The following SYPL2 variants were observed in gnomAD, a reference collection of about 807,000 sequenced individuals.
SYPL2 encodes the protein synaptophysin like 2, also known as synaptophysin-like protein 2.
A neutral mutation model predicts 31.3 loss-of-function variants in SYPL2; 24 were observed. That is an observed-to-expected ratio of 0.77 (90% CI 0.56 to 1.08). The LOEUF (loss-of-function observed/expected upper bound fraction) is 1.08, where lower values mean the gene tolerates loss of function less well. Ranked by LOEUF, SYPL2 falls within the 50% of genes least tolerant of loss-of-function variation. The probability of loss-of-function intolerance (pLI) is 0.00; values close to 1 mark genes in which losing one functional copy is unlikely to be tolerated. For missense variants in SYPL2, 342 were observed against 360.1 expected, an observed-to-expected ratio of 0.95 and a Z score of 0.41; for synonymous variants, 144 against 143.1, an observed-to-expected ratio of 1.01 and a Z score of -0.05.
In SYPL2 at chr1:109,466,632, C is replaced by T. The variant is rs922791998; in HGVS notation, c.-212C>T. The T allele has an allele frequency of 4.5e-5, 19 of 424,108 alleles. No homozygotes were observed. The highest frequency in any genetic ancestry group is 3.7e-4 in the African/African-American group (18 of 48,142). The allele number at this position is 424,108 out of a possible 1,614,324, so 26.3% of individuals were successfully genotyped here. The stretch of plus-strand genomic sequence containing the variant: ...TGCTGCCGGCGGGGCACCGCGGCGG[C>T]CGCAGCCTCTGAGAGCACGAACAGC... On this transcript the variant is annotated 5_prime_UTR_variant, in exon 1 of 6. Coordinates refer to ENST00000369872, the MANE Select transcript of SYPL2 (RefSeq NM_001040709.2).
At position 109,480,119 on chromosome 1, in the gene SYPL2, A is replaced by T. The variant is rs1656119805; in HGVS notation, c.*571A>T. ...TCTCTGGCCTCTGCCTGCCCACAGA[A>T]TCCACCATGTGTGAACCAGAGAGGT... On this transcript the variant is annotated 3_prime_UTR_variant, in exon 6 of 6. Coordinates refer to ENST00000369872, the MANE Select transcript of SYPL2 (RefSeq NM_001040709.2). 6.6e-6 allele frequency: 1 copy of T among 152,652 alleles called. No individual in the cohort carries two copies. The highest frequency in any genetic ancestry group is 2.1e-4 in the South Asian group (1 of 4,846). 9.5% of individuals were successfully genotyped at this position (152,652 alleles called of 1,614,324 possible).
chr1:109,467,156 G>A, intron 2 of SYPL2, 23 bp downstream of exon 2: 1 of 1,533,586 alleles, frequency 6.5e-7, no homozygotes, highest in Non-Finnish European at 8.8e-7. Flanking sequence ...CCCGGCCCCG[G>A]GCTATTTCGG....
intron 2 of SYPL2, 88 bp downstream of exon 2, chr1:109,467,221 A>G (rs1571056488): frequency 3.6e-6 from 2 of 548,972 alleles, no homozygotes; most frequent in South Asian, 5.8e-5. Flanking sequence ...GGGGCTGGGG[A>G]GGTGCTGCGG....
At chr1:109,471,635 G>T (rs1655836956) in intron 2 of SYPL2, among the ~76,000 whole-genome samples, 2 of 151,772 alleles carry the variant, frequency 1.3e-5, no homozygotes, top group East Asian at 3.9e-4. Flanking sequence ...GGCTGGTCTC[G>T]AACCCCTGAC....
At chr1:109,475,891 C>T (rs767984678) in intron 3 of SYPL2, among the ~76,000 whole-genome samples, 186 bp downstream of exon 3, 1 of 152,146 alleles carries the variant, frequency 6.6e-6, no homozygotes, top group South Asian at 2.1e-4. Flanking sequence ...CAGAGCAAAA[C>T]GTAAGGGAAA....
At chr1:109,477,531 C>G (rs965783975) in intron 4 of SYPL2, among the ~76,000 whole-genome samples, 3 of 152,064 alleles carry the variant, frequency 2.0e-5, no homozygotes, top group African/African-American at 7.2e-5. Flanking sequence ...AATTTAGGCT[C>G]CACTTGGGAT....
intron 2 of SYPL2, among the ~76,000 whole-genome samples, chr1:109,472,551 A>G (rs1431637903): frequency 6.6e-6 from 1 of 151,306 alleles, no homozygotes; most frequent in African/African-American, 2.4e-5. Flanking sequence ...AGAAGGCTCC[A>G]TAACTGACCG....
In SYPL2 at chr1:109,479,357, AT is replaced by A; in HGVS notation, c.649-19del. 1.9e-6 allele frequency: 3 copies of A among 1,611,242 alleles called. No homozygotes were observed. The highest frequency in any genetic ancestry group is 2.5e-6 in the Non-Finnish European group (3 of 1,177,768). ...AATGACCCCCTGACTATTCTCACAA[AT>A]TCCCCTGATGTCTTTGCAGCTCTTT... On this transcript the variant is annotated intron_variant, in intron 5 of 5. Coordinates refer to ENST00000369872, the MANE Select transcript of SYPL2 (RefSeq NM_001040709.2).
intron 2 of SYPL2, among the ~76,000 whole-genome samples, chr1:109,469,608 T>G (rs1245021211): frequency 1.3e-5 from 2 of 151,030 alleles, no homozygotes; most frequent in Non-Finnish European, 1.5e-5. Context: ...TTTGGGAGGC[T>G]GAGGTGGGAG....
rs1656058088 is a variant in SYPL2 at position 109,478,123 on chromosome 1, C to T, written c.648+114C>T. On this transcript the variant is annotated intron_variant, in intron 5 of 5. Transcript: ENST00000369872. The surrounding 1 kb of genome is among the most constrained non-coding windows in gnomAD (Gnocchi z 4.0). Reference sequence around the variant, plus strand: ...GTCCCAGAGCTGGTGTCCCCTGCACCTGGAGCTGGTGCCCTCACTGCGCTT... The same window carrying T: ...GTCCCAGAGCTGGTGTCCCCTGCACTTGGAGCTGGTGCCCTCACTGCGCTT... 6.8e-7 allele frequency: 1 copy of T among 1,480,984 alleles called. No homozygotes were observed. 91.7% of individuals were successfully genotyped at this position (1,480,984 alleles called of 1,614,324 possible). A position where few individuals can be genotyped will look rare whatever the true frequency, so the allele number is the denominator to read the frequency against.
chr1:109,472,117 G>T (rs1258378383), intron 2 of SYPL2, among the ~76,000 whole-genome samples: 1 of 151,936 alleles, frequency 6.6e-6, no homozygotes, highest in Non-Finnish European at 1.5e-5. Context: ...TGAGGACAGA[G>T]ATTTTGTTAT....
intron 2 of SYPL2, among the ~76,000 whole-genome samples, chr1:109,472,632 AT>A (rs1655869379): frequency 1.5e-5 from 1 of 67,358 alleles, no homozygotes; most frequent in Non-Finnish European, 2.7e-5. Flanking sequence ...TTTTTTTGAG[AT>A]GGGGGTCTTG....
At position 109,479,861 on chromosome 1, in the gene SYPL2, G is replaced by T; in HGVS notation, c.*313G>T. On this transcript the variant is annotated 3_prime_UTR_variant, in exon 6 of 6. Transcript: ENST00000369872. ...GAGAACCAGCCTCTGCTGCAGGTGA[G>T]GGTTGGGGGCAGGAAACCAGTGCTC... is the stretch of plus-strand genomic sequence containing the variant. 3.1e-6 allele frequency: 1 copy of T among 319,596 alleles called. No homozygotes were observed. Among genetic ancestry groups the T allele is most frequent in the Non-Finnish European group, 5.7e-6 (1 of 173,916 alleles). The allele number at this position is 319,596 out of a possible 1,614,324, so 19.8% of individuals were successfully genotyped here.
intron 2 of SYPL2, among the ~76,000 whole-genome samples, chr1:109,469,079 G>A (rs2152924): frequency 0.64 from 97,884 of 152,088 alleles, 33,008 homozygotes; most frequent in East Asian, 0.96. Flanking sequence ...AATTCAGGGC[G>A]CCAGTTTCAC....
intron 2 of SYPL2, among the ~76,000 whole-genome samples, chr1:109,469,299 A>G (rs1429433129): frequency 6.6e-6 from 1 of 152,194 alleles, no homozygotes; most frequent in African/African-American, 2.4e-5. Flanking sequence ...ACCAAAAAGC[A>G]AAGATTTTAC....
intron 2 of SYPL2, chr1:109,475,367 A>G (rs1655962777): frequency 1.7e-6 from 1 of 579,360 alleles, no homozygotes; most frequent in Non-Finnish European, 2.9e-6. Context: ...CACTCAGTCA[A>G]CCTTGTATTC....
chr1:109,477,844 C>G lies in SYPL2; in HGVS notation c.483C>G (p.Thr161=). ...LVDFCVTVSF[T]FFWLVAAAAW... is the part of the protein sequence containing the mutation. ...ACTTCTGTGTGACTGTCTCCTTCAC[C>G]TTCTTCTGGCTGGTAGCTGCAGCTG... Residue 161 remains threonine, a synonymous_variant, in exon 5 of 6, where the codon ACC becomes ACG. Coordinates refer to ENST00000369872, the MANE Select transcript of SYPL2 (RefSeq NM_001040709.2). The G allele has an allele frequency of 6.2e-7, 1 of 1,612,180 alleles. No individual in the cohort carries two copies. Among genetic ancestry groups the G allele is most frequent in the Non-Finnish European group, 8.5e-7 (1 of 1,178,812 alleles).
intron 3 of SYPL2, among the ~76,000 whole-genome samples, chr1:109,476,241 G>A (rs547634799): frequency 6.6e-6 from 1 of 152,316 alleles, no homozygotes; most frequent in African/African-American, 2.4e-5. Flanking sequence ...AAATGGGGAT[G>A]AGGCTCACCT....
At chr1:109,474,699 A>G (rs1655945259) in intron 2 of SYPL2, among the ~76,000 whole-genome samples, 1 of 152,180 alleles carries the variant, frequency 6.6e-6, no homozygotes, top group Non-Finnish European at 1.5e-5. Flanking sequence ...AAATCATAGG[A>G]TGAGGAAATT....
Sources: gnomAD v4.1 joint callset for allele counts (sites outside exome capture counted in the v4.1 genomes callset) on GRCh38, gnomAD v4.1.1 for gene constraint, Gnocchi (gnomAD v3.1) non-coding constraint, MANE v1.5 for transcripts, NCBI Gene and HGNC (gene_info 2026-07-23, HGNC 2026-07-21) for gene names.